SLC38A4: variants seen among roughly 807,000 people sequenced by gnomAD.
SLC38A4 encodes the protein sodium-coupled neutral amino acid transporter 4.
SLC38A4 carries 20 observed loss-of-function variants against 63.1 expected under a neutral mutation model. The observed-to-expected ratio is 0.32, with a 90% CI of 0.22 to 0.46. The LOEUF (loss-of-function observed/expected upper bound fraction) is 0.46, where lower values mean the gene tolerates loss of function less well. Ranked by LOEUF, SLC38A4 falls within the 20% of genes least tolerant of loss-of-function variation. SLC38A4 has a pLI of 1.00. For missense variants in SLC38A4, 526 were observed against 663.6 expected (o/e 0.79, Z 2.28); for synonymous variants, 230 against 225.5 (o/e 1.02, Z -0.18).
At chr12:46,831,599 A>G (rs2120948221) in intron 1 of SLC38A4, among the ~76,000 whole-genome samples, 1 of 152,194 alleles carries the variant, frequency 6.6e-6, no homozygotes, top group East Asian at 1.9e-4. Context: ...AGGGGCCCAC[A>G]TCCAGCTCTG....
intron 5 of SLC38A4, among the ~76,000 whole-genome samples, chr12:46,787,421 T>C (rs925293956): frequency 6.6e-6 from 1 of 151,434 alleles, no homozygotes; most frequent in Non-Finnish European, 1.5e-5. Flanking sequence ...ATATGAGGAG[T>C]TAACTAGATG....
At chr12:46,783,234 TAGATAGATAGA>T (rs1396642597) in intron 7 of SLC38A4, among the ~76,000 whole-genome samples, 1 of 134,110 alleles carries the variant, frequency 7.5e-6, no homozygotes, top group African/African-American at 3.0e-5. Context: ...AGATGATAGA[TAGATAGATAGA>T]TAGATAGATA....
At chr12:46,784,811 C>T (rs556152130) in intron 6 of SLC38A4, among the ~76,000 whole-genome samples, 177 bp from the exon 7 acceptor site, 1 of 152,050 alleles carries the variant, frequency 6.6e-6, no homozygotes, top group South Asian at 2.1e-4. Flanking sequence ...GTTCTCCAAA[C>T]AAGAATCAAT....
intron 16 of SLC38A4, among the ~76,000 whole-genome samples, chr12:46,767,509 C>T (rs186827708): frequency 3.6e-4 from 55 of 152,028 alleles, no homozygotes; most frequent in Admixed American, 3.6e-3. Context: ...GGTCACACTG[C>T]TGTAAAAATC....
chr12:46,832,009 G>A (rs1052577818), intron 1 of SLC38A4, among the ~76,000 whole-genome samples: 1 of 152,252 alleles, frequency 6.6e-6, no homozygotes, highest in South Asian at 2.1e-4. Context: ...TTGAAAAGAA[G>A]TCACACATGA....
At chr12:46,804,985 C>A (rs1048083751) in intron 1 of SLC38A4, among the ~76,000 whole-genome samples, 1 of 151,822 alleles carries the variant, frequency 6.6e-6, no homozygotes, top group African/African-American at 2.4e-5. Flanking sequence ...ATTAACCATG[C>A]AAAAATTGCA....
chr12:46,785,949 A>T (rs1228181090), intron 5 of SLC38A4, among the ~76,000 whole-genome samples: 1 of 151,854 alleles, frequency 6.6e-6, no homozygotes, highest in African/African-American at 2.4e-5. Context: ...AAAAATCTTT[A>T]TCTTTGTTTA....
chr12:46,772,806 A>G (rs990660453), intron 14 of SLC38A4, among the ~76,000 whole-genome samples: 1 of 152,112 alleles, frequency 6.6e-6, no homozygotes, highest in Non-Finnish European at 1.5e-5. Flanking sequence ...ACACAAAATA[A>G]TGCCTAAAGC....
At chr12:46,783,570 G>A (rs891558781) in intron 7 of SLC38A4, among the ~76,000 whole-genome samples, 29 of 151,972 alleles carry the variant, frequency 1.9e-4, no homozygotes, top group African/African-American at 2.7e-4. Context: ...TCATGAGGAC[G>A]GACAGAGAGG....
intron 1 of SLC38A4, among the ~76,000 whole-genome samples, chr12:46,816,444 T>C (rs1176456756): frequency 2.0e-5 from 3 of 151,910 alleles, no homozygotes; most frequent in African/African-American, 7.2e-5. Context: ...ATGTCTGAAG[T>C]ATAATTTGTG....
At position 46,775,061 on chromosome 12, in the gene SLC38A4, A is replaced by G. The variant is rs768487314; in HGVS notation, c.1287T>C (p.Ile429=). The G allele has an allele frequency of 6.2e-7, 1 of 1,612,640 alleles. No individual in the cohort carries two copies. Among genetic ancestry groups the G allele is most frequent in the East Asian group, 2.2e-5 (1 of 44,836 alleles). The part of the protein sequence containing the change: ...VLVAVTLTVP[I]VLFPIRTSVI... ...CTTATGTACTTACTGGGAAGAGGAC[A>G]ATGGGCACAGTTAGTGTTACTGCCA... The change falls in exon 14 of 17, where the codon ATT becomes ATC. Residue 429 remains isoleucine, a synonymous_variant. Coordinates refer to ENST00000266579, the MANE Select transcript of SLC38A4 (RefSeq NM_018018.5).
intron 1 of SLC38A4, among the ~76,000 whole-genome samples, chr12:46,822,637 G>T (rs1405930414): frequency 1.3e-5 from 2 of 152,162 alleles, no homozygotes; most frequent in Non-Finnish European, 2.9e-5. Context: ...ATGAACTGGA[G>T]AGCTGAGGCA....
At chr12:46,808,757 T>G (rs754631939) in intron 1 of SLC38A4, among the ~76,000 whole-genome samples, 18 of 152,070 alleles carry the variant, frequency 1.2e-4, no homozygotes, top group Admixed American at 2.0e-4. Context: ...ATTCTAAATG[T>G]TAAATTAGAA....
At chr12:46,814,580 C>CT (rs1939400936) in intron 1 of SLC38A4, among the ~76,000 whole-genome samples, 1 of 151,954 alleles carries the variant, frequency 6.6e-6, no homozygotes, top group African/African-American at 2.4e-5. Context: ...CTACATTTCA[C>CT]TCACACTGTA....
Position 46,801,534 on chromosome 12 carries a change from A to G in SLC38A4, c.-113+2069T>C, listed in dbSNP as rs139466013. ...AGCATTGCTATCTGTCTCATCTTTCATGCCTACCCAGTATTGACAAATTCA... is the reference window on the plus strand; with the variant it reads ...AGCATTGCTATCTGTCTCATCTTTCGTGCCTACCCAGTATTGACAAATTCA... On this transcript the variant is annotated intron_variant, in intron 2 of 16. Transcript: ENST00000266579. Among the ~76,000 whole-genome samples, 459 of 152,206 alleles carry G rather than the reference A, an allele frequency of 3.0e-3. 3 individuals are homozygous for G. The highest frequency in any genetic ancestry group is 0.01 in the African/African-American group (433 of 41,564).
rs1172754126 is a variant in SLC38A4 at position 46,766,321 on chromosome 12, T to C, written c.*380A>G. The C allele has an allele frequency of 2.2e-6, 1 of 449,932 alleles. No homozygotes were observed. The highest frequency in any genetic ancestry group is 1.6e-5 in the South Asian group (1 of 63,826). The allele number at this position is 449,932 out of a possible 1,614,324, so 27.9% of individuals were successfully genotyped here. A position where few individuals can be genotyped will look rare whatever the true frequency, so the allele number is the denominator to read the frequency against. The stretch of plus-strand genomic sequence containing the variant: ...GCATTTTTGTTTGATGTTCTGAGAA[T>C]GCAAATGTTTGGTACTTTTTTAGGG... On this transcript the variant is annotated 3_prime_UTR_variant, in exon 17 of 17. Coordinates refer to ENST00000266579, the MANE Select transcript of SLC38A4 (RefSeq NM_018018.5).
intron 15 of SLC38A4, among the ~76,000 whole-genome samples, 164 bp from the exon 16 acceptor site, chr12:46,768,571 G>T (rs1211236501): frequency 6.6e-6 from 1 of 152,044 alleles, no homozygotes; most frequent in Non-Finnish European, 1.5e-5. Context: ...TTTATTCATA[G>T]AAGATATGTT....
intron 1 of SLC38A4, among the ~76,000 whole-genome samples, chr12:46,821,488 C>T (rs1939549833): frequency 6.6e-6 from 1 of 152,024 alleles, no homozygotes; most frequent in Admixed American, 6.6e-5. Context: ...GGGCTTACTT[C>T]TGGGCTCTCT....
At chr12:46,807,578 C>A (rs1939259046) in intron 1 of SLC38A4, among the ~76,000 whole-genome samples, 2 of 151,840 alleles carry the variant, frequency 1.3e-5, no homozygotes, top group African/African-American at 4.8e-5. Context: ...TTTTTGATGT[C>A]ATTGTTTTGG....
Sources: allele counts gnomAD v4.1 joint callset (sites outside exome capture counted in the v4.1 genomes callset), GRCh38; gene constraint gnomAD v4.1.1; transcripts MANE v1.5; gene names NCBI Gene and HGNC (gene_info 2026-07-23, HGNC 2026-07-21).